Variants in NSF observed in about 807,000 individuals in gnomAD.
NSF encodes the protein N-ethylmaleimide sensitive factor, vesicle fusing ATPase.
Under a neutral mutation model 50.3 loss-of-function variants are expected in NSF, and 14 were observed. The ratio of observed to expected loss-of-function variants is 0.28; its 90% confidence interval spans 0.18 to 0.44. The LOEUF (loss-of-function observed/expected upper bound fraction) is 0.44, where lower values mean the gene tolerates loss of function less well. NSF is among the 20% of genes least tolerant of loss of function. NSF has a pLI of 1.00. For missense variants in NSF, 218 were observed against 504.3 expected, an observed-to-expected ratio of 0.43 and a Z score of 5.44; for synonymous variants, 109 against 175.7, an observed-to-expected ratio of 0.62 and a Z score of 3.00.
chr17:46,709,102 C>G (rs1039286422), intron 13 of NSF, among the ~76,000 whole-genome samples: 1 of 152,090 alleles, frequency 6.6e-6, no homozygotes, highest in Admixed American at 6.6e-5. Flanking sequence ...GGATTACAGG[C>G]ATGAGCCACT....
chr17:46,633,764 C>A, intron 4 of NSF, among the ~76,000 whole-genome samples: 1 of 106,054 alleles, frequency 9.4e-6, no homozygotes, highest in East Asian at 3.0e-4. Flanking sequence ...TTCATTTTTA[C>A]ATTAATATTT....
intron 18 of NSF, among the ~76,000 whole-genome samples, chr17:46,750,473 AT>A: frequency 6.6e-6 from 1 of 152,234 alleles, no homozygotes. Context: ...TTCAGTGAGC[AT>A]TTCCTTTGAA....
At chr17:46,734,265 G>C (rs1366639797) in intron 17 of NSF, among the ~76,000 whole-genome samples, 1 of 152,028 alleles carries the variant, frequency 6.6e-6, no homozygotes, top group Non-Finnish European at 1.5e-5. Context: ...ATTAACTCTG[G>C]CTAATGACTA....
chr17:46,752,616 C>A (rs1249393573), intron 19 of NSF, among the ~76,000 whole-genome samples: 1 of 152,090 alleles, frequency 6.6e-6, no homozygotes, highest in Non-Finnish European at 1.5e-5. Context: ...CTACCACACT[C>A]AACTAATTTT....
At chr17:46,739,557 A>G (rs565599099) in intron 17 of NSF, among the ~76,000 whole-genome samples, 1 of 151,872 alleles carries the variant, frequency 6.6e-6, no homozygotes, top group African/African-American at 2.4e-5. Flanking sequence ...ACACAAAAAC[A>G]TAAAACTGGG....
At chr17:46,752,356 C>T (rs975972857) in intron 19 of NSF, among the ~76,000 whole-genome samples, 2 of 152,222 alleles carry the variant, frequency 1.3e-5, no homozygotes, top group African/African-American at 4.8e-5. Context: ...AAATACCTCC[C>T]TATCAAGCCC....
chr17:46,679,424 G>A lies in NSF; in HGVS notation c.945+4811G>A, dbSNP rs993202496. Among the ~76,000 whole-genome samples the A allele has an allele frequency of 5.2e-5, 7 of 133,968 alleles. No individual in the cohort carries two copies. In the East Asian group the frequency reaches 1.0e-3, roughly 19 times the overall value. 87.9% of individuals were successfully genotyped at this position (133,968 alleles called of 152,430 possible). A position where few individuals can be genotyped will look rare whatever the true frequency, so the allele number is the denominator to read the frequency against. On this transcript the variant is annotated intron_variant, in intron 9 of 20. Transcript: ENST00000398238. ...ATAGAACTAAAATATGGAAAAAAACGTTTGGGAAGTAGATTAAATTCATGT... is the reference window on the plus strand; with the variant it reads ...ATAGAACTAAAATATGGAAAAAAACATTTGGGAAGTAGATTAAATTCATGT...
chr17:46,709,340 T>TA (rs961235840), intron 13 of NSF, among the ~76,000 whole-genome samples: 37 of 148,120 alleles, frequency 2.5e-4, no homozygotes, highest in South Asian at 6.4e-4. Flanking sequence ...GTCTGGAGGA[T>TA]AAAAAAAAAA....
At chr17:46,709,813 A>G (rs1050472022) in intron 13 of NSF, among the ~76,000 whole-genome samples, 1 of 152,178 alleles carries the variant, frequency 6.6e-6, no homozygotes, top group African/African-American at 2.4e-5. Flanking sequence ...TTCTTAGAAC[A>G]GCCATTTAGC....
chr17:46,714,690 C>T (rs372060518), intron 15 of NSF, among the ~76,000 whole-genome samples: 8 of 152,322 alleles, frequency 5.3e-5, no homozygotes, highest in African/African-American at 1.9e-4. Flanking sequence ...TTCCATCTTA[C>T]TTGTTAGATC....
intron 1 of NSF, among the ~76,000 whole-genome samples, chr17:46,605,473 G>GA (rs1382573058): frequency 2.0e-5 from 3 of 149,936 alleles, no homozygotes; most frequent in Non-Finnish European, 4.5e-5. Flanking sequence ...AGCTGTCAGA[G>GA]AAAAAAGATA....
rs1486018331 is a variant in NSF at position 46,751,493 on chromosome 17, GT to G, written c.2044-5del. 4 of 1,606,218 alleles carry G rather than the reference GT, an allele frequency of 2.5e-6. No homozygotes were observed. The highest frequency in any genetic ancestry group is 3.4e-6 in the Non-Finnish European group (4 of 1,173,096). ...AAAAGTGCTTTGATTATTGTTTATT[GT>G]TTTTGTAGCTTTTGGGCAACTTCAA... On this transcript the variant is annotated splice_polypyrimidine_tract_variant and intron_variant, in intron 18 of 20. Transcript: ENST00000398238.
chr17:46,710,159 C>A (rs890163264), intron 13 of NSF, among the ~76,000 whole-genome samples: 1 of 152,096 alleles, frequency 6.6e-6, no homozygotes, highest in Admixed American at 6.5e-5. Flanking sequence ...GATACATGAT[C>A]TTTACATGTA....
chr17:46,755,412 A>G, intron 20 of NSF, 43 bp downstream of exon 20: 1 of 1,462,548 alleles, frequency 6.8e-7, no homozygotes, highest in Non-Finnish European at 9.6e-7. Flanking sequence ...CAAACTTACC[A>G]CCCTGTTAAA....
intron 1 of NSF, among the ~76,000 whole-genome samples, chr17:46,602,845 A>G (rs867395488): frequency 0.031 from 4,028 of 131,706 alleles, 340 homozygotes; most frequent in African/African-American, 0.11. Flanking sequence ...TGGTGTGGGG[A>G]TATTATGATT....
intron 9 of NSF, among the ~76,000 whole-genome samples, chr17:46,679,797 G>C (rs2058436883): frequency 1.3e-5 from 2 of 151,902 alleles, no homozygotes; most frequent in Admixed American, 6.5e-5. Context: ...GGGAGGAGCT[G>C]GGAAAGAAAC....
At chr17:46,736,485 GC>G (rs2059006269) in intron 17 of NSF, among the ~76,000 whole-genome samples, 1 of 152,162 alleles carries the variant, frequency 6.6e-6, no homozygotes. Flanking sequence ...AGAAGCCCTG[GC>G]CCTCCCTCTA....
intron 12 of NSF, among the ~76,000 whole-genome samples, chr17:46,699,402 G>GACACACACACACACACAC (rs4061825): frequency 2.0e-5 from 3 of 148,210 alleles, no homozygotes; most frequent in African/African-American, 7.4e-5. Context: ...ATAAACTGAG[G>GACACACACACACACACAC]ACACACACAC....
At chr17:46,735,451 A>G (rs922288303) in intron 17 of NSF, among the ~76,000 whole-genome samples, 2 of 151,262 alleles carry the variant, frequency 1.3e-5, no homozygotes, top group Non-Finnish European at 2.9e-5. Context: ...TACTCTTTGT[A>G]TTGAACTTGA....
Sources: allele counts gnomAD v4.1 joint callset (sites outside exome capture counted in the v4.1 genomes callset), GRCh38; gene constraint gnomAD v4.1.1; transcripts MANE v1.5; gene names NCBI Gene and HGNC (gene_info 2026-07-23, HGNC 2026-07-21).